Variants in ASPH observed in about 807,000 individuals in gnomAD.
ASPH encodes aspartyl/asparaginyl beta-hydroxylase.
In ASPH, 100 loss-of-function variants were observed where a neutral mutation model predicts 118.4. That is an observed-to-expected ratio of 0.84 (90% CI 0.72 to 1.00). ASPH has a LOEUF of 1.00. Ranked by LOEUF, ASPH falls within the 50% of genes least tolerant of loss-of-function variation. The pLI is 0.00. For missense variants in ASPH, 920 were observed against 919.5 expected (o/e 1.00, Z -0.01); for synonymous variants, 315 against 325.6 (o/e 0.97, Z 0.35).
chr8:61,519,690 G>A (rs1319594626), intron 22 of ASPH, among the ~76,000 whole-genome samples: 1 of 152,190 alleles, frequency 6.6e-6, no homozygotes, highest in East Asian at 1.9e-4. Context: ...GGAGGCAGAT[G>A]AGTAAGTGTC....
Position 61,675,216 on chromosome 8 carries a change from T to C in ASPH, c.322+5752A>G, listed in dbSNP as rs765856721. On this transcript the variant is annotated intron_variant, in intron 3 of 24. Coordinates refer to ENST00000379454, the MANE Select transcript of ASPH (RefSeq NM_004318.4). ...CATTACATCTAAGCCAAAATCAATATCCAATTAATAAGTTAATGAAGGAAA... is the reference window on the plus strand; with the variant it reads ...CATTACATCTAAGCCAAAATCAATACCCAATTAATAAGTTAATGAAGGAAA... The C allele has an allele frequency of 1.4e-5, 10 of 701,786 alleles. No homozygotes were observed. The South Asian group carries it at 2.6e-4, about 18-fold the overall frequency. 43.5% of individuals were successfully genotyped at this position (701,786 alleles called of 1,614,324 possible).
At chr8:61,551,521 A>G (rs573483608) in intron 20 of ASPH, among the ~76,000 whole-genome samples, 3 of 152,312 alleles carry the variant, frequency 2.0e-5, no homozygotes, top group African/African-American at 7.2e-5. Flanking sequence ...TTGCATATTC[A>G]TGATAATTAA....
intron 18 of ASPH, among the ~76,000 whole-genome samples, chr8:61,561,113 AGGGAGGG>A (rs1829768028): frequency 2.6e-5 from 1 of 38,968 alleles, no homozygotes; most frequent in Non-Finnish European, 5.0e-5. Flanking sequence ...GGAGGGAGGG[AGGGAGGG>A]AGGGAGGGAG....
At position 61,685,888 on chromosome 8, in the gene ASPH, C is replaced by T. The variant is rs189177067; in HGVS notation, c.104-1700G>A. Among the ~76,000 whole-genome samples the T allele has an allele frequency of 3.1e-3, 476 of 151,786 alleles. 5 individuals are homozygous for T. Among genetic ancestry groups the T allele is most frequent in the Non-Finnish European group, 4.5e-3 (305 of 67,952 alleles). The stretch of plus-strand genomic sequence containing the variant: ...GGTTCAAGGGATTCTCCTGCTTCAG[C>T]CTCCTGAGTAACTGGGATTACAGGC... On this transcript the variant is annotated intron_variant, in intron 1 of 24. Coordinates refer to ENST00000379454, the MANE Select transcript of ASPH (RefSeq NM_004318.4).
At chr8:61,687,069 C>A (rs1417721497) in intron 1 of ASPH, among the ~76,000 whole-genome samples, 2 of 151,576 alleles carry the variant, frequency 1.3e-5, no homozygotes, top group African/African-American at 4.9e-5. Flanking sequence ...CCAGCCTGGG[C>A]AACAAAGCAA....
intron 20 of ASPH, among the ~76,000 whole-genome samples, chr8:61,551,708 G>A (rs890125974): frequency 6.6e-6 from 1 of 152,172 alleles, no homozygotes; most frequent in Non-Finnish European, 1.5e-5. Context: ...AATTAGTGAT[G>A]ATTACATTTA....
intron 13 of ASPH, among the ~76,000 whole-genome samples, chr8:61,627,722 A>G (rs574306464): frequency 6.6e-6 from 1 of 152,310 alleles, no homozygotes; most frequent in South Asian, 2.1e-4. Flanking sequence ...AAAAAGGCAA[A>G]TAAACTAAAA....
chr8:61,547,154 G>A (rs1761449716), intron 21 of ASPH, among the ~76,000 whole-genome samples: 1 of 152,048 alleles, frequency 6.6e-6, no homozygotes, highest in Non-Finnish European at 1.5e-5. Flanking sequence ...TAAGAAGAGG[G>A]GGCTTACCAA....
chr8:61,641,156 A>G (rs1189902542), intron 10 of ASPH, among the ~76,000 whole-genome samples: 1 of 152,200 alleles, frequency 6.6e-6, no homozygotes, highest in African/African-American at 2.4e-5. Flanking sequence ...CTCTTAGGTT[A>G]TATTTACTGC....
At chr8:61,696,206 T>C (rs6983954) in intron 1 of ASPH, among the ~76,000 whole-genome samples, 125,631 of 152,152 alleles carry the variant, frequency 0.83, 51,977 homozygotes, top group Middle Eastern at 0.85. Context: ...CTCTTGACTG[T>C]CCCTGTGTAG....
intron 3 of ASPH, chr8:61,660,250 T>C (rs1285832303): frequency 6.6e-6 from 1 of 152,090 alleles, no homozygotes; most frequent in Non-Finnish European, 1.5e-5. Context: ...GAAATACCTA[T>C]TTTGGCCCAT....
intron 14 of ASPH, among the ~76,000 whole-genome samples, chr8:61,604,901 C>A (rs961332986): frequency 6.6e-6 from 1 of 152,206 alleles, no homozygotes; most frequent in Non-Finnish European, 1.5e-5. Flanking sequence ...CAATTTAAAG[C>A]ATACATGGAA....
At chr8:61,664,754 A>T in intron 3 of ASPH, 1 of 986,290 alleles carries the variant, frequency 1.0e-6, no homozygotes, top group Non-Finnish European at 1.2e-6. Context: ...GGAGGGCTGG[A>T]GAGGAGGGAA....
chr8:61,699,230 A>G (rs1288707925), intron 1 of ASPH, among the ~76,000 whole-genome samples: 1 of 152,262 alleles, frequency 6.6e-6, no homozygotes, highest in African/African-American at 2.4e-5. Context: ...ATGCCCTAAC[A>G]GCGGCCTTCA....
Position 61,553,053 on chromosome 8 carries a change from A to G in ASPH, c.1604T>C (p.Met535Thr), listed in dbSNP as rs780647063. 3 of 1,613,462 alleles carry G rather than the reference A, an allele frequency of 1.9e-6. No individual in the cohort carries two copies. Among genetic ancestry groups the G allele is most frequent in the Non-Finnish European group, 2.5e-6 (3 of 1,179,586 alleles). ...GRFYFHLGDA[M>T]QRVGNKEAYK... ...TACCTCTTTGTTCCCAACCCTCTGC[A>G]TGGCATCCCCCAGGTGGAAATAAAA... is the stretch of plus-strand genomic sequence containing the variant. The change falls in exon 20 of 25, where the codon ATG (methionine) becomes ACG (threonine). Residue 535 changes from methionine to threonine, a missense_variant. Transcript: ENST00000379454.
chr8:61,632,729 C>T (rs2882462), intron 13 of ASPH: 327,551 of 398,712 alleles, frequency 0.82, 135,340 homozygotes, highest in African/African-American at 0.9. Context: ...AGGCATCCCA[C>T]ATATAACTAA....
intron 13 of ASPH, chr8:61,631,610 TC>T (rs757519380): frequency 6.6e-6 from 1 of 152,198 alleles, no homozygotes; most frequent in Non-Finnish European, 1.5e-5. Context: ...CGACACACTC[TC>T]AGTCTGTAGC....
chr8:61,673,296 TC>T (rs1188917495), intron 3 of ASPH, among the ~76,000 whole-genome samples: 1 of 151,968 alleles, frequency 6.6e-6, no homozygotes, highest in Non-Finnish European at 1.5e-5. Flanking sequence ...AGAAGACACT[TC>T]CCCTACTGAC....
intron 21 of ASPH, among the ~76,000 whole-genome samples, chr8:61,531,806 T>C (rs1439993750): frequency 6.6e-6 from 1 of 152,208 alleles, no homozygotes; most frequent in East Asian, 1.9e-4. Flanking sequence ...TCTTTCTATA[T>C]CTGGCTTACT....
Sources: gnomAD v4.1 joint callset for allele counts (sites outside exome capture counted in the v4.1 genomes callset) on GRCh38, gnomAD v4.1.1 for gene constraint, MANE v1.5 for transcripts, NCBI Gene and HGNC (gene_info 2026-07-23, HGNC 2026-07-21) for gene names.